KCNH7: variants seen among roughly 807,000 people sequenced by gnomAD.
KCNH7 encodes potassium voltage-gated channel subfamily H member 7.
Under a neutral mutation model 120.8 loss-of-function variants are expected in KCNH7, and 49 were observed. The observed-to-expected ratio is 0.41, with a 90% CI of 0.32 to 0.51. The LOEUF (loss-of-function observed/expected upper bound fraction) is 0.51. Ranked by LOEUF, KCNH7 falls within the 20% of genes least tolerant of loss-of-function variation. The pLI is 0.38. For synonymous variants in KCNH7, 547 were observed against 516.1 expected (o/e 1.06, Z -0.81); for missense variants, 1,097 against 1,446.6 (o/e 0.76, Z 3.92).
intron 2 of KCNH7, among the ~76,000 whole-genome samples, chr2:162,557,591 C>T (rs988699058): frequency 1.3e-5 from 2 of 152,116 alleles, no homozygotes; most frequent in Non-Finnish European, 2.9e-5. Flanking sequence ...CAACTTTCCC[C>T]TAGTCTTTGC....
chr2:162,570,214 C>G (rs1055342782), intron 2 of KCNH7, among the ~76,000 whole-genome samples: 9 of 149,064 alleles, frequency 6.0e-5, no homozygotes, highest in Non-Finnish European at 1.5e-5. Flanking sequence ...CTAGGTGCTC[C>G]TGTATTGGGT....
chr2:162,404,681 G>A (rs1293360275), intron 9 of KCNH7, among the ~76,000 whole-genome samples: 4 of 151,868 alleles, frequency 2.6e-5, no homozygotes, highest in African/African-American at 2.4e-5. Flanking sequence ...TGCAGGAGCC[G>A]AGCAGATGCT....
Position 162,766,363 on chromosome 2 carries a change from T to C in KCNH7, c.307+70174A>G, listed in dbSNP as rs2105461868. The stretch of plus-strand genomic sequence containing the variant: ...AAATCCAACTACAAGAAAGGGCTTG[T>C]GAATTTGTGAAAGACCTAGTTATCA... On this transcript the variant is annotated intron_variant, in intron 2 of 15. Transcript: ENST00000332142. Among the ~76,000 whole-genome samples, 3 of 152,270 alleles carry C rather than the reference T, an allele frequency of 2.0e-5. 1 individual carries two copies. In the South Asian group the frequency reaches 6.2e-4, roughly 32 times the overall value.
At chr2:162,466,296 G>A (rs962972735) in intron 6 of KCNH7, among the ~76,000 whole-genome samples, 1 of 152,146 alleles carries the variant, frequency 6.6e-6, no homozygotes, top group African/African-American at 2.4e-5. Flanking sequence ...CCAAGACTGG[G>A]TAATTTATAA....
At chr2:162,514,069 C>A (rs1195568877) in intron 4 of KCNH7, among the ~76,000 whole-genome samples, 1 of 151,778 alleles carries the variant, frequency 6.6e-6, no homozygotes, top group Admixed American at 6.6e-5. Flanking sequence ...TTTGAAAAAT[C>A]TGTTCAGCAT....
rs1235785125 is a variant in KCNH7, at chr2:162,372,072, T to C, written c.3348A>G (p.Glu1116=). 1 of 1,612,776 alleles carries C rather than the reference T, an allele frequency of 6.2e-7. No individual in the cohort carries two copies. Among genetic ancestry groups the C allele is most frequent in the Non-Finnish European group, 8.5e-7 (1 of 1,179,118 alleles). ...SSQCPEFLDL[E]KSKLKSKESL... is the part of the protein sequence containing the mutation. ...ATTCTTTGGATTTAAGTTTAGATTTTTCAAGGTCTAGAAATTCAGGACACT... is the reference window on the plus strand; with the variant it reads ...ATTCTTTGGATTTAAGTTTAGATTTCTCAAGGTCTAGAAATTCAGGACACT... The change falls in exon 16 of 16, where the codon GAA becomes GAG. Residue 1116 remains glutamate, a synonymous_variant. Coordinates refer to ENST00000332142, the MANE Select transcript of KCNH7 (RefSeq NM_033272.4).
chr2:162,760,095 G>T (rs1449313322), intron 2 of KCNH7, among the ~76,000 whole-genome samples: 1 of 152,096 alleles, frequency 6.6e-6, no homozygotes, highest in East Asian at 1.9e-4. Flanking sequence ...CTATGAATTT[G>T]TGTAGCTTAT....
intron 2 of KCNH7, among the ~76,000 whole-genome samples, chr2:162,709,401 T>C (rs1295960636): frequency 3.9e-5 from 6 of 152,040 alleles, no homozygotes; most frequent in Non-Finnish European, 8.8e-5. Flanking sequence ...GAAACCAAAC[T>C]TCTCAATCCA....
intron 2 of KCNH7, among the ~76,000 whole-genome samples, chr2:162,685,184 CG>C (rs1374241739): frequency 6.9e-6 from 1 of 145,476 alleles, no homozygotes; most frequent in African/African-American, 2.5e-5. Context: ...CATCACACAC[CG>C]GGGCCTGTTG....
intron 2 of KCNH7, among the ~76,000 whole-genome samples, chr2:162,656,327 C>G (rs753775561): frequency 2.0e-5 from 3 of 151,988 alleles, no homozygotes; most frequent in Non-Finnish European, 4.4e-5. Context: ...CTGTAAAGAC[C>G]ATAAAATAGT....
chr2:162,488,199 G>A (rs951529794), intron 6 of KCNH7, among the ~76,000 whole-genome samples: 7 of 152,110 alleles, frequency 4.6e-5, no homozygotes, highest in African/African-American at 1.7e-4. Flanking sequence ...AAGCAACCAG[G>A]CTATTACCAG....
At chr2:162,678,991 G>A (rs1257680629) in intron 2 of KCNH7, among the ~76,000 whole-genome samples, 1 of 151,596 alleles carries the variant, frequency 6.6e-6, no homozygotes, top group African/African-American at 2.4e-5. Flanking sequence ...GAATCCAGGA[G>A]ATTTATATTC....
chr2:162,638,583 AG>A (rs1290079149), intron 2 of KCNH7, among the ~76,000 whole-genome samples: 3 of 152,136 alleles, frequency 2.0e-5, no homozygotes, highest in Admixed American at 2.0e-4. Context: ...CCAGCATCTA[AG>A]ATCAAAAAAT....
chr2:162,701,114 T>A (rs1177356522), intron 2 of KCNH7, among the ~76,000 whole-genome samples: 1 of 152,112 alleles, frequency 6.6e-6, no homozygotes, highest in Non-Finnish European at 1.5e-5. Context: ...GAATTGTTAC[T>A]AAGGACACTG....
chr2:162,831,599 A>T (rs1184804038), intron 2 of KCNH7, among the ~76,000 whole-genome samples: 1 of 152,080 alleles, frequency 6.6e-6, no homozygotes, highest in African/African-American at 2.4e-5. Flanking sequence ...CTAACCGGGT[A>T]CTCTCCTGGC....
intron 13 of KCNH7, among the ~76,000 whole-genome samples, chr2:162,380,880 C>G (rs2068330): frequency 0.49 from 74,423 of 151,842 alleles, 20,228 homozygotes; most frequent in East Asian, 0.82. Flanking sequence ...TTTTCATATA[C>G]AGATTCATTT....
chr2:162,402,969 T>C (rs1687107824), intron 9 of KCNH7, among the ~76,000 whole-genome samples: 1 of 151,980 alleles, frequency 6.6e-6, no homozygotes, highest in Admixed American at 6.6e-5. Flanking sequence ...CATCATTTAC[T>C]AGTTTGACTT....
intron 2 of KCNH7, among the ~76,000 whole-genome samples, chr2:162,773,193 T>A (rs1224635663): frequency 6.6e-6 from 1 of 152,028 alleles, no homozygotes; most frequent in Non-Finnish European, 1.5e-5. Flanking sequence ...TCCTCCAATA[T>A]CAAAGGAATA....
chr2:162,623,559 C>T (rs1559050050), intron 2 of KCNH7, among the ~76,000 whole-genome samples: 1 of 152,318 alleles, frequency 6.6e-6, no homozygotes, highest in East Asian at 1.9e-4. Context: ...TAAAGTTCCT[C>T]TTAAGGTGTT....
Sources: allele counts gnomAD v4.1 joint callset (sites outside exome capture counted in the v4.1 genomes callset), GRCh38; gene constraint gnomAD v4.1.1; transcripts MANE v1.5; gene names NCBI Gene and HGNC (gene_info 2026-07-23, HGNC 2026-07-21).